Variants in LCN15 observed in about 807,000 individuals in gnomAD.
LCN15 encodes the protein lipocalin 15.
A neutral mutation model predicts 23.1 loss-of-function variants in LCN15; 26 were observed. The ratio of observed to expected loss-of-function variants is 1.13; its 90% confidence interval spans 0.82 to 1.56. The LOEUF is 1.56. LCN15 is among the 40% of genes most tolerant of loss of function. The probability of loss-of-function intolerance (pLI) is 0.00; values close to 1 mark genes in which losing one functional copy is unlikely to be tolerated. For synonymous variants in LCN15, 107 were observed against 98.3 expected, an observed-to-expected ratio of 1.09 and a Z score of -0.52; for missense variants, 241 against 239.5, an observed-to-expected ratio of 1.01 and a Z score of -0.04.
Position 136,763,853 on chromosome 9 carries a change from C to T in LCN15, c.236+17G>A, listed in dbSNP as rs373893968. The T allele has an allele frequency of 1.2e-5, 20 of 1,613,284 alleles. No homozygotes were observed. The highest frequency in any genetic ancestry group is 1.5e-5 in the Non-Finnish European group (18 of 1,179,850). On this transcript the variant is annotated intron_variant, in intron 2 of 6. Coordinates refer to ENST00000316144, the MANE Select transcript of LCN15 (RefSeq NM_203347.2). ...GCTCCCCAGCCCAGCCCAGGCAGCC[C>T]AGCCCAAGTAACTCACCCCGGGAAC...
chr9:136,763,319 G>A (rs1847341406), intron 4 of LCN15, 38 bp downstream of exon 4: 1 of 1,205,596 alleles, frequency 8.3e-7, no homozygotes, highest in South Asian at 1.5e-5. Flanking sequence ...TGGGAAGTTG[G>A]GGAGGGGCCA....
Position 136,761,274 on chromosome 9 carries a change from T to A in LCN15, c.*32+513A>T, listed in dbSNP as rs1279567756. On this transcript the variant is annotated intron_variant, in intron 6 of 6. Coordinates refer to ENST00000316144, the MANE Select transcript of LCN15 (RefSeq NM_203347.2). The surrounding 1 kb of genome is among the most constrained non-coding windows in gnomAD (Gnocchi z 4.2). ...AACGTCTGCTGGTTTTGTCTGTTTGTTTTGAGATGGAGTTTCTCTCTTGTC... is the reference window on the plus strand; with the variant it reads ...AACGTCTGCTGGTTTTGTCTGTTTGATTTGAGATGGAGTTTCTCTCTTGTC... 2.6e-5 allele frequency among the ~76,000 whole-genome samples: 4 copies of A among 152,152 alleles called. No homozygotes were observed. The highest frequency in any genetic ancestry group is 5.9e-5 in the Non-Finnish European group (4 of 68,016).
chr9:136,763,684 C>G, intron 3 of LCN15, 29 bp downstream of exon 3: 1 of 1,610,042 alleles, frequency 6.2e-7, no homozygotes, highest in Non-Finnish European at 8.5e-7. Flanking sequence ...GCATCCAGCA[C>G]CCCTGAAGGC....
Position 136,761,453 on chromosome 9 carries a change from G to T in LCN15, c.*32+334C>A, listed in dbSNP as rs1847315938. On this transcript the variant is annotated intron_variant, in intron 6 of 6. Coordinates refer to ENST00000316144, the MANE Select transcript of LCN15 (RefSeq NM_203347.2). This position sits in a 1 kb window ranked among gnomAD's most constrained non-coding sequence, Gnocchi z 4.2. ...GTTTTGTATTTTTAGTAGAGACGGG[G>T]TTTCTCCATGTTGGTCAGGCTGGTC... is the stretch of plus-strand genomic sequence containing the variant. Among the ~76,000 whole-genome samples the T allele has an allele frequency of 6.6e-6, 1 of 152,144 alleles. No individual in the cohort carries two copies. The highest frequency in any genetic ancestry group is 2.4e-5 in the African/African-American group (1 of 41,416).
rs1588312977 is a variant in LCN15 at position 136,761,159 on chromosome 9, T to G, written c.*32+628A>C. On this transcript the variant is annotated intron_variant, in intron 6 of 6. Transcript: ENST00000316144. The surrounding 1 kb of genome is among the most constrained non-coding windows in gnomAD (Gnocchi z 4.2). ...AGCCGTGGGAGCTGGGGGGGCGGTG[T>G]GGGAGGGAGTCTCCTTCAGAGCTTC... 6.6e-6 allele frequency among the ~76,000 whole-genome samples: 1 copy of G among 151,614 alleles called. No individual in the cohort carries two copies. The highest frequency in any genetic ancestry group is 2.4e-5 in the African/African-American group (1 of 41,208).
intron 3 of LCN15, 68 bp from the exon 4 acceptor site, chr9:136,763,535 G>C: frequency 7.9e-7 from 1 of 1,265,668 alleles, no homozygotes; most frequent in Non-Finnish European, 1.1e-6. Context: ...CCCCACCCAT[G>C]CCTGCCCCTG....
rs151303875 is a variant in LCN15, at chr9:136,763,781, G to A, written c.239C>T (p.Ala80Val). ...GLHVHMEFPG[A>V]DGCNQVDAEY... is the part of the protein sequence containing the mutation. ...GGCATCCACCTGGTTACAGCCGTCCGCCCTGGGGGTGCACAGCCGGCTCAC... is the reference window on the plus strand; with the variant it reads ...GGCATCCACCTGGTTACAGCCGTCCACCCTGGGGGTGCACAGCCGGCTCAC... The change falls in exon 3 of 7, where the codon GCG becomes GTG. Residue 80 changes from alanine (A) to valine (V), a missense_variant and splice_region_variant. Coordinates refer to ENST00000316144, the MANE Select transcript of LCN15 (RefSeq NM_203347.2). 289 of 1,613,388 alleles carry A rather than the reference G, an allele frequency of 1.8e-4. 1 individual carries two copies. In the African/African-American group the frequency reaches 3.4e-3, roughly 19 times the overall value.
At chr9:136,763,615 T>C in intron 3 of LCN15, 98 bp downstream of exon 3, 1 of 1,409,658 alleles carries the variant, frequency 7.1e-7, no homozygotes. Context: ...GGCTGGAGAC[T>C]GGGATGGACA....
rs1385250920 is a variant in LCN15 at position 136,761,860 on chromosome 9, G to T, written c.521-7C>A. 6.0e-6 allele frequency: 8 copies of T among 1,335,916 alleles called. No individual in the cohort carries two copies. The highest frequency in any genetic ancestry group is 7.7e-6 in the Non-Finnish European group (8 of 1,042,452). The allele number at this position is 1,335,916 out of a possible 1,614,324, so 82.8% of individuals were successfully genotyped here. A position where few individuals can be genotyped will look rare whatever the true frequency, so the allele number is the denominator to read the frequency against. On this transcript the variant is annotated splice_region_variant and splice_polypyrimidine_tract_variant and intron_variant, in intron 5 of 6. Coordinates refer to ENST00000316144, the MANE Select transcript of LCN15 (RefSeq NM_203347.2). This position sits in a 1 kb window ranked among gnomAD's most constrained non-coding sequence, Gnocchi z 4.2. ...CTCTCAGGGTTGCATGCATCTGTGG[G>T]GAGGAAGACATCCGTGAGATGCTGA...
rs1421447541 is a variant in LCN15, at chr9:136,764,325, A to G, written c.96+68T>C. ...GCGCCCCAGGAAAGGCAGTTGTCAC[A>G]ATTATCACGTTGTCTCTGGCAGGGG... On this transcript the variant is annotated intron_variant, in intron 1 of 6. Transcript: ENST00000316144. 6.1e-6 allele frequency: 9 copies of G among 1,467,238 alleles called. No individual in the cohort carries two copies. The Admixed American group carries it at 1.5e-4, about 25-fold the overall frequency. The allele number at this position is 1,467,238 out of a possible 1,614,324, so 90.9% of individuals were successfully genotyped here. A position where few individuals can be genotyped will look rare whatever the true frequency, so the allele number is the denominator to read the frequency against.
chr9:136,761,828 C>T lies in LCN15; in HGVS notation c.546G>A (p.Glu182=). The change falls in exon 6 of 7, where the codon GAG becomes GAA. Residue 182 remains glutamate, a synonymous_variant. Transcript: ENST00000316144. The surrounding 1 kb of genome is among the most constrained non-coding windows in gnomAD (Gnocchi z 4.2). ...QSDACNPESK[E]AP ...TGGGGCTCCGGAGGTGTCAGGGCGC[C>T]TCCTTGCTCTCAGGGTTGCATGCAT... is the stretch of plus-strand genomic sequence containing the variant. 1 of 1,303,128 alleles carries T rather than the reference C, an allele frequency of 7.7e-7. No individual in the cohort carries two copies. 80.7% of individuals were successfully genotyped at this position (1,303,128 alleles called of 1,614,324 possible).
chr9:136,764,108 G>A, intron 1 of LCN15, 99 bp from the exon 2 acceptor site: 1 of 1,469,618 alleles, frequency 6.8e-7, no homozygotes, highest in Non-Finnish European at 9.3e-7. Context: ...ACAGCAAGGG[G>A]TCTCGGAGTG....
At chr9:136,764,057 C>T in intron 1 of LCN15, 48 bp from the exon 2 acceptor site, 2 of 1,596,286 alleles carry the variant, frequency 1.3e-6, no homozygotes, top group Non-Finnish European at 1.7e-6. Flanking sequence ...AGCAGCAGGG[C>T]CCTCCTTGCC....
At position 136,763,932 on chromosome 9, in the gene LCN15, C is replaced by G; in HGVS notation, c.174G>C (p.Met58Ile). The G allele has an allele frequency of 1.2e-6, 2 of 1,613,654 alleles. No individual in the cohort carries two copies. Among genetic ancestry groups the G allele is most frequent in the Non-Finnish European group, 1.7e-6 (2 of 1,179,978 alleles). Residue 58 changes from methionine to isoleucine, a missense_variant, in exon 2 of 7, where the codon ATG becomes ATC. By Grantham distance (10) the Met-to-Ile change is conservative (BLOSUM62 1). Coordinates refer to ENST00000316144, the MANE Select transcript of LCN15 (RefSeq NM_203347.2). The stretch of plus-strand genomic sequence containing the variant: ...CTGTGGGCCTGATGGCCCTGGTGGA[C>G]ATGGACAGGTGGTCCTTCTTGCCCA... ...VFLGKKDHLS[M>I]STRAIRPTEE...
Position 136,763,992 on chromosome 9 carries a change from G to A in LCN15, c.114C>T (p.Tyr38=), listed in dbSNP as rs1434942413. The A allele has an allele frequency of 2.8e-5, 45 of 1,613,082 alleles. No individual in the cohort carries two copies. The highest frequency in any genetic ancestry group is 3.7e-5 in the Non-Finnish European group (44 of 1,179,968). ...FNAEKFSGLW[Y]VVSMASDCRV... ...TGCAGTCAGATGCCATGGAGACCAC[G>A]TACCAGAGGCCTGAGAACTGCCGGG... Residue 38 remains tyrosine, a synonymous_variant, in exon 2 of 7, where the codon TAC becomes TAT. Transcript: ENST00000316144.
intron 1 of LCN15, 66 bp from the exon 2 acceptor site, chr9:136,764,075 C>CCAGGGCAACTCAGAAGTCACA: frequency 6.3e-7 from 1 of 1,581,748 alleles, no homozygotes; most frequent in Non-Finnish European, 8.6e-7. Flanking sequence ...GCCCAGGGAC[C>CCAGGGCAACTCAGAAGTCACA]CAGGGGACAA....
chr9:136,763,518 G>A, intron 3 of LCN15, 51 bp from the exon 4 acceptor site: 1 of 1,337,382 alleles, frequency 7.5e-7, no homozygotes. Flanking sequence ...ATGGGCCCGG[G>A]CACCGACCCC....
At chr9:136,762,431 T>C in intron 4 of LCN15, 142 bp from the exon 5 acceptor site, 1 of 639,046 alleles carries the variant, frequency 1.6e-6, no homozygotes, top group Middle Eastern at 2.9e-4. Flanking sequence ...ATAAAGCTCC[T>C]GCCTGGCTGA....
rs748777563 is a variant in LCN15 at position 136,764,445 on chromosome 9, G to T, written c.44C>A (p.Ala15Glu). The T allele has an allele frequency of 1.9e-6, 3 of 1,613,174 alleles. No individual in the cohort carries two copies. Among genetic ancestry groups the T allele is most frequent in the East Asian group, 2.2e-5 (1 of 44,854 alleles). Residue 15 changes from alanine to glutamate, a missense_variant, in exon 1 of 7, where the codon GCG (alanine) becomes GAG (glutamate). Transcript: ENST00000316144. ...LLGAILTLLW[A>E]PTAQAEVLLQ... ...CAGAACCTCAGCCTGAGCCGTGGGC[G>T]CCCAGAGCAGGGTCAGGATTGCGCC...
Sources: gnomAD v4.1 joint callset for allele counts (sites outside exome capture counted in the v4.1 genomes callset) on GRCh38, gnomAD v4.1.1 for gene constraint, Gnocchi (gnomAD v3.1) non-coding constraint, MANE v1.5 for transcripts, NCBI Gene and HGNC (gene_info 2026-07-23, HGNC 2026-07-21) for gene names.